Variants in ROPN1B observed in about 807,000 individuals in gnomAD.
The protein encoded by ROPN1B is rhophilin associated tail protein 1B.
A neutral mutation model predicts 23.7 loss-of-function variants in ROPN1B; 13 were observed. That is an observed-to-expected ratio of 0.55 (90% CI 0.36 to 0.87). The LOEUF (loss-of-function observed/expected upper bound fraction) is 0.87, where lower values mean the gene tolerates loss of function less well. ROPN1B is among the 40% of genes least tolerant of loss of function. The pLI is 0.01. For missense variants in ROPN1B, 183 were observed against 249.2 expected (o/e 0.73, Z 1.79); for synonymous variants, 67 against 100.4 (o/e 0.67, Z 1.99).
intron 5 of ROPN1B, among the ~76,000 whole-genome samples, chr3:125,978,290 T>C (rs979152944): frequency 6.6e-6 from 1 of 152,242 alleles, no homozygotes; most frequent in Non-Finnish European, 1.5e-5. Flanking sequence ...TATTAAATTT[T>C]CATAGGTTTA....
At chr3:125,979,252 A>T (rs1938526797) in intron 5 of ROPN1B, among the ~76,000 whole-genome samples, 3 of 150,596 alleles carry the variant, frequency 2.0e-5, no homozygotes, top group Admixed American at 2.0e-4. Context: ...CTATGAATCC[A>T]GTAATCAATA....
chr3:125,982,286 T>C lies in ROPN1B; in HGVS notation c.413T>C (p.Leu138Pro), dbSNP rs1424979561. 1.9e-6 allele frequency: 3 copies of C among 1,609,236 alleles called. No individual in the cohort carries two copies. Among genetic ancestry groups the C allele is most frequent in the Admixed American group, 3.4e-5 (2 of 58,990 alleles). Residue 138 changes from leucine to proline, a missense_variant, in exon 6 of 7, where the codon CTC becomes CCC. This residue lies in a region of ROPN1B where 80 missense variants were observed against 98.0 expected (regional missense o/e 0.82). Transcript: ENST00000514116. ...CTTTTATAGACTATTACCAAAACTC[T>C]CAAGATAGTGTGTGAGGTCTTATCA... Reference protein sequence around the residue: ...SALGVTITKTLKIVCEVLSCD... With the variant: ...SALGVTITKTPKIVCEVLSCD...
intron 3 of ROPN1B, 106 bp downstream of exon 3, chr3:125,972,276 C>A (rs746339490): frequency 3.3e-4 from 316 of 964,802 alleles, no homozygotes; most frequent in Non-Finnish European, 4.3e-4. Flanking sequence ...TCGGGACTAA[C>A]TGGCATCGTC....
At chr3:125,971,914 A>C in intron 2 of ROPN1B, 129 bp from the exon 3 acceptor site, 1 of 705,918 alleles carries the variant, frequency 1.4e-6, no homozygotes, top group Admixed American at 3.0e-5. Context: ...GTGTAACAAT[A>C]GAATGCATTT....
chr3:125,978,268 A>G lies in ROPN1B; in HGVS notation c.396+1103A>G, dbSNP rs12629558. 2.6e-4 allele frequency among the ~76,000 whole-genome samples: 40 copies of G among 152,278 alleles called. No individual in the cohort carries two copies. In the East Asian group the frequency reaches 4.6e-3, roughly 18 times the overall value. ...AAATCACAAACGGGAAGATAAAAAA[A>G]TGAACACATTTTATTAAATTTTCAT... On this transcript the variant is annotated intron_variant, in intron 5 of 6. Coordinates refer to ENST00000514116, the MANE Select transcript of ROPN1B (RefSeq NM_001308313.2).
chr3:125,982,335 C>CCGAA lies in ROPN1B; in HGVS notation c.463_466dup (p.Ile156ThrfsTer34). The CCGAA allele has an allele frequency of 6.2e-7, 1 of 1,613,256 alleles. No homozygotes were observed. The highest frequency in any genetic ancestry group is 8.5e-7 in the Non-Finnish European group (1 of 1,179,654). On this transcript the variant is annotated frameshift_variant, in exon 6 of 7. Coordinates refer to ENST00000514116, the MANE Select transcript of ROPN1B (RefSeq NM_001308313.2). LOFTEE classifies it high-confidence loss of function. ...CATGTGACCACAATGGTGGGTTGCCCCGAATCCCATTCAGCACCTTCCAGT... is the reference window on the plus strand; with the variant it reads ...CATGTGACCACAATGGTGGGTTGCCCCGAACGAATCCCATTCAGCACCTTCCAGT...
intron 5 of ROPN1B, among the ~76,000 whole-genome samples, chr3:125,979,321 T>C (rs1938530073): frequency 6.6e-6 from 1 of 152,170 alleles, no homozygotes. Flanking sequence ...GTGGGGTTGG[T>C]CAGTGGTACA....
chr3:125,976,515 C>A (rs1448984497), intron 4 of ROPN1B, among the ~76,000 whole-genome samples: 1 of 152,222 alleles, frequency 6.6e-6, no homozygotes, highest in Non-Finnish European at 1.5e-5. Context: ...CAGCCACATA[C>A]CCCATATCAT....
intron 3 of ROPN1B, 30 bp from the exon 4 acceptor site, chr3:125,975,533 C>A (rs759354159): frequency 3.9e-5 from 61 of 1,581,940 alleles, no homozygotes; most frequent in Non-Finnish European, 5.0e-5. Context: ...TGTATAGGAT[C>A]CTCCTACTCT....
chr3:125,981,527 G>T (rs181802167), intron 5 of ROPN1B, among the ~76,000 whole-genome samples: 1 of 152,202 alleles, frequency 6.6e-6, no homozygotes, highest in Admixed American at 6.5e-5. Context: ...TCTTTTGCTT[G>T]TAACATTTAT....
chr3:125,979,855 C>G (rs775351513), intron 5 of ROPN1B, among the ~76,000 whole-genome samples: 4 of 152,204 alleles, frequency 2.6e-5, no homozygotes, highest in Non-Finnish European at 5.9e-5. Context: ...TTTACTCCAT[C>G]TTGAGCTCTC....
chr3:125,973,900 T>C (rs911749125), intron 3 of ROPN1B: 10 of 153,732 alleles, frequency 6.5e-5, no homozygotes, highest in African/African-American at 2.4e-4. Context: ...TACATATGTG[T>C]TGTCAATGAA....
chr3:125,983,067 G>A (rs557522740), intron 6 of ROPN1B, among the ~76,000 whole-genome samples, 187 bp from the exon 7 acceptor site: 2 of 152,272 alleles, frequency 1.3e-5, no homozygotes, highest in East Asian at 3.9e-4. Context: ...GGCAGAGGTT[G>A]CAGTGAGCCG....
intron 5 of ROPN1B, among the ~76,000 whole-genome samples, chr3:125,981,813 A>G (rs1408141770): frequency 6.6e-6 from 1 of 152,082 alleles, no homozygotes; most frequent in Non-Finnish European, 1.5e-5. Context: ...CTGGGACTCT[A>G]TTTTCCTGGG....
intron 3 of ROPN1B, chr3:125,973,525 C>T (rs538015241): frequency 1.8e-5 from 3 of 168,002 alleles, no homozygotes; most frequent in Non-Finnish European, 2.6e-5. Context: ...TTATCTTATA[C>T]GTTAGTTTCA....
At chr3:125,977,579 TAAAC>T (rs1938467968) in intron 5 of ROPN1B, 1 of 234,444 alleles carries the variant, frequency 4.3e-6, no homozygotes, top group African/African-American at 2.3e-5. Flanking sequence ...AACTATGTAA[TAAAC>T]AGAATTGGAT....
intron 1 of ROPN1B, 72 bp from the exon 2 acceptor site, chr3:125,971,045 G>C (rs1345677043): frequency 6.5e-6 from 1 of 153,654 alleles, no homozygotes; most frequent in South Asian, 2.1e-4. Context: ...GTTTAGGTCA[G>C]AAGGGGAGTC....
chr3:125,982,625 G>A (rs933602709), intron 6 of ROPN1B, among the ~76,000 whole-genome samples, 180 bp downstream of exon 6: 1 of 152,182 alleles, frequency 6.6e-6, no homozygotes, highest in Non-Finnish European at 1.5e-5. Flanking sequence ...AATGATATAG[G>A]ACAATAATTC....
chr3:125,977,901 T>C (rs1174113514), intron 5 of ROPN1B: 3 of 152,376 alleles, frequency 2.0e-5, no homozygotes, highest in East Asian at 1.9e-4. Context: ...GTTTGAAAAT[T>C]ATTGAGAAAA....
Sources: gnomAD v4.1 joint callset for allele counts (sites outside exome capture counted in the v4.1 genomes callset) on GRCh38, gnomAD v4.1.1 for gene constraint, gnomAD v4.1.1 regional missense constraint, MANE v1.5 for transcripts, NCBI Gene and HGNC (gene_info 2026-07-23, HGNC 2026-07-21) for gene names.